ZNF804B: variants seen among roughly 807,000 people sequenced by gnomAD.
The protein encoded by ZNF804B is zinc finger 804B.
Under a neutral mutation model 101.4 loss-of-function variants are expected in ZNF804B, and 80 were observed. That is an observed-to-expected ratio of 0.79 (90% CI 0.66 to 0.95). The LOEUF (loss-of-function observed/expected upper bound fraction) is 0.95. Ranked by LOEUF, ZNF804B falls within the 40% of genes least tolerant of loss-of-function variation. The pLI is 0.00. For synonymous variants in ZNF804B, 622 were observed against 558.8 expected (o/e 1.11, Z -1.59); for missense variants, 1,673 against 1,561.9 (o/e 1.07, Z -1.20).
intron 2 of ZNF804B, among the ~76,000 whole-genome samples, chr7:89,263,000 C>T (rs1189858427): frequency 2.0e-5 from 3 of 152,146 alleles, no homozygotes; most frequent in Non-Finnish European, 4.4e-5. Context: ...CGACTATCTC[C>T]TCTTTTCATT....
chr7:89,209,003 C>T (rs1299291391), intron 1 of ZNF804B, among the ~76,000 whole-genome samples: 1 of 151,998 alleles, frequency 6.6e-6, no homozygotes, highest in Admixed American at 6.6e-5. Flanking sequence ...CAGAGTGAGA[C>T]TCTTTCTCAA....
rs1026089543 is a variant in ZNF804B at position 89,199,869 on chromosome 7, A to G, written c.109-18286A>G. On this transcript the variant is annotated intron_variant, in intron 1 of 3. Transcript: ENST00000333190. Reference sequence around the variant, plus strand: ...TATATATAATATATGTATACATTATATATGTAGTATATTATATAATATATG... The same window carrying G: ...TATATATAATATATGTATACATTATGTATGTAGTATATTATATAATATATG... Among the ~76,000 whole-genome samples, 3 of 148,442 alleles carry G rather than the reference A, an allele frequency of 2.0e-5. No individual in the cohort carries two copies. In the Admixed American group the frequency reaches 2.0e-4, roughly 10 times the overall value.
intron 1 of ZNF804B, among the ~76,000 whole-genome samples, chr7:89,133,748 A>T (rs1217114038): frequency 2.0e-5 from 3 of 152,114 alleles, no homozygotes; most frequent in Non-Finnish European, 4.4e-5. Context: ...GCACTTCGGT[A>T]ATATAAAAGG....
chr7:88,998,621 T>A (rs1788237721), intron 1 of ZNF804B, among the ~76,000 whole-genome samples: 1 of 152,022 alleles, frequency 6.6e-6, no homozygotes, highest in Non-Finnish European at 1.5e-5. Context: ...TGAGACAGCC[T>A]GCAAATCTGA....
intron 1 of ZNF804B, among the ~76,000 whole-genome samples, chr7:89,171,142 T>C (rs978938844): frequency 1.3e-5 from 2 of 152,162 alleles, no homozygotes; most frequent in African/African-American, 2.4e-5. Flanking sequence ...TAACATGTGG[T>C]TATGGTGTGA....
At chr7:88,852,551 A>G (rs1791463386) in intron 1 of ZNF804B, among the ~76,000 whole-genome samples, 1 of 152,036 alleles carries the variant, frequency 6.6e-6, no homozygotes, top group Admixed American at 6.6e-5. Flanking sequence ...AAAAGGACCC[A>G]TTGGCTGACT....
chr7:89,211,828 CT>C (rs1449332653), intron 1 of ZNF804B, among the ~76,000 whole-genome samples: 1 of 152,146 alleles, frequency 6.6e-6, no homozygotes. Flanking sequence ...GCTACACAAG[CT>C]CTTTTTTGAA....
chr7:88,916,238 A>G (rs1431392424), intron 1 of ZNF804B, among the ~76,000 whole-genome samples: 1 of 152,064 alleles, frequency 6.6e-6, no homozygotes, highest in African/African-American at 2.4e-5. Context: ...TTTGGGTTGT[A>G]TTGAATATTG....
intron 2 of ZNF804B, among the ~76,000 whole-genome samples, chr7:89,294,650 T>C (rs553659080): frequency 1.3e-5 from 2 of 152,242 alleles, no homozygotes; most frequent in African/African-American, 4.8e-5. Context: ...AATTCTTTGA[T>C]AATTATTTTC....
At position 89,255,565 on chromosome 7, in the gene ZNF804B, A is replaced by T. The variant is rs138757083; in HGVS notation, c.249+37270A>T. Among the ~76,000 whole-genome samples the T allele has an allele frequency of 3.8e-3, 575 of 152,304 alleles. 3 individuals are homozygous for T. Among genetic ancestry groups the T allele is most frequent in the African/African-American group, 0.013 (552 of 41,558 alleles). The stretch of plus-strand genomic sequence containing the variant: ...CTGGAAAACATAGTCATCTATTTGA[A>T]CAATAAAATAAAATTGGACTCCTAC... On this transcript the variant is annotated intron_variant, in intron 2 of 3. Transcript: ENST00000333190.
At chr7:88,967,225 C>T (rs764552116) in intron 1 of ZNF804B, among the ~76,000 whole-genome samples, 2 of 82,396 alleles carry the variant, frequency 2.4e-5, no homozygotes, top group African/African-American at 4.9e-5. Context: ...ACAGGCTGTA[C>T]AGCTGTCATG....
intron 2 of ZNF804B, among the ~76,000 whole-genome samples, chr7:89,273,512 G>T (rs1397866172): frequency 6.6e-6 from 1 of 152,028 alleles, no homozygotes; most frequent in Non-Finnish European, 1.5e-5. Context: ...TTCAGTTATA[G>T]CCAACTTATA....
chr7:88,861,396 G>A (rs892743610), intron 1 of ZNF804B, among the ~76,000 whole-genome samples: 1 of 152,178 alleles, frequency 6.6e-6, no homozygotes, highest in South Asian at 2.1e-4. Context: ...CAGAGCTGCT[G>A]AGGAAAGACC....
intron 1 of ZNF804B, among the ~76,000 whole-genome samples, chr7:89,079,553 T>C (rs1474208632): frequency 1.3e-5 from 2 of 152,030 alleles, no homozygotes; most frequent in African/African-American, 4.8e-5. Flanking sequence ...ATGGGTGATA[T>C]AGATACTGCA....
At chr7:88,767,647 G>A (rs548157867) in intron 1 of ZNF804B, among the ~76,000 whole-genome samples, 4 of 152,256 alleles carry the variant, frequency 2.6e-5, no homozygotes, top group African/African-American at 7.2e-5. Flanking sequence ...AGGCATGGAG[G>A]TGGCCATATT....
At chr7:88,874,759 A>T in intron 1 of ZNF804B, among the ~76,000 whole-genome samples, 1 of 152,074 alleles carries the variant, frequency 6.6e-6, no homozygotes, top group Non-Finnish European at 1.5e-5. Flanking sequence ...ACGAGACAGA[A>T]AGTCAACAAG....
chr7:89,147,083 G>GTATATATATATATATATATA (rs147620052), intron 1 of ZNF804B, among the ~76,000 whole-genome samples: 246 of 140,120 alleles, frequency 1.8e-3, no homozygotes, highest in African/African-American at 5.1e-3. Flanking sequence ...GGATAATCAG[G>GTATATATATATATATATATA]TATATATATA....
At chr7:88,844,123 A>G in intron 1 of ZNF804B, among the ~76,000 whole-genome samples, 1 of 152,242 alleles carries the variant, frequency 6.6e-6, no homozygotes, top group East Asian at 1.9e-4. Context: ...ATTTTAACAT[A>G]AATTACAGAT....
intron 1 of ZNF804B, among the ~76,000 whole-genome samples, chr7:88,929,835 TA>T (rs1293113299): frequency 6.6e-6 from 1 of 151,968 alleles, no homozygotes; most frequent in South Asian, 2.1e-4. Flanking sequence ...ATTTAGTTTA[TA>T]AAAAATCCAA....
Sources: gnomAD v4.1 joint callset for allele counts (sites outside exome capture counted in the v4.1 genomes callset) on GRCh38, gnomAD v4.1.1 for gene constraint, MANE v1.5 for transcripts, NCBI Gene and HGNC (gene_info 2026-07-23, HGNC 2026-07-21) for gene names.